CHD3: variants seen among roughly 807,000 people sequenced by gnomAD.
CHD3 encodes the protein chromodomain helicase DNA binding protein 3, also known as ATP-dependent chromatin remodeler CHD3.
CHD3 carries 52 observed loss-of-function variants against 248.9 expected under a neutral mutation model. The ratio of observed to expected loss-of-function variants is 0.21; its 90% CI spans 0.17 to 0.26. The LOEUF (loss-of-function observed/expected upper bound fraction) is 0.26, where lower values mean the gene tolerates loss of function less well. Ranked by LOEUF, CHD3 falls within the 10% of genes least tolerant of loss-of-function variation. CHD3 has a pLI of 1.00. For missense variants in CHD3, 1,482 were observed against 2,605.8 expected, an observed-to-expected ratio of 0.57 and a Z score of 9.39; for synonymous variants, 985 against 985.2, an observed-to-expected ratio of 1.00 and a Z score of 0.00.
upstream of CHD3, chr17:7,884,811 C>T: frequency 1.3e-6 from 1 of 749,700 alleles, no homozygotes; most frequent in Non-Finnish European, 1.9e-6. Context: ...CACAGGATGG[C>T]TTCCCCTCTG....
intron 19 of CHD3, 110 bp from the exon 20 acceptor site, chr17:7,901,134 T>C (rs968069456): frequency 2.3e-5 from 35 of 1,517,414 alleles, no homozygotes; most frequent in Non-Finnish European, 2.9e-5. Context: ...ACAGGAGGAA[T>C]TGGGAACATG....
In CHD3 at chr17:7,894,516, C is replaced by T; in HGVS notation, c.1177C>T (p.Leu393=). Reference sequence around the variant, plus strand: ...GTGCCAGCAGGGTGGGGAAATTATTCTGTGTGACACCTGCCCTCGTGCCTA... The same window carrying T: ...GTGCCAGCAGGGTGGGGAAATTATTTTGTGTGACACCTGCCCTCGTGCCTA... The part of the protein sequence containing the change: ...EVCQQGGEII[L]CDTCPRAYHL... The change falls in exon 8 of 40, where the codon CTG becomes TTG. Residue 393 remains leucine, a synonymous_variant. Transcript: ENST00000330494. 6.2e-7 allele frequency: 1 copy of T among 1,614,088 alleles called. No individual in the cohort carries two copies. The highest frequency in any genetic ancestry group is 8.5e-7 in the Non-Finnish European group (1 of 1,180,010).
chr17:7,910,549 C>T lies in CHD3; in HGVS notation c.5712C>T (p.Leu1904=). 1.2e-6 allele frequency: 2 copies of T among 1,612,852 alleles called. No individual in the cohort carries two copies. Among genetic ancestry groups the T allele is most frequent in the Non-Finnish European group, 1.7e-6 (2 of 1,180,024 alleles). The stretch of plus-strand genomic sequence containing the variant: ...TTCAGATGTCCGAGCGCAGCATCCT[C>T]AGCCGGCTGGCCAGCAAGGGCACGG... The part of the protein sequence containing the change: ...ARLQMSERSI[L]SRLASKGTEP... Residue 1904 remains leucine, a synonymous_variant, in exon 38 of 40, where the codon CTC becomes CTT. Coordinates refer to ENST00000330494, the MANE Select transcript of CHD3 (RefSeq NM_001005273.3). The surrounding 1 kb of genome is among the most constrained non-coding windows in gnomAD (Gnocchi z 4.7).
Position 7,893,518 on chromosome 17 carries a change from G to A in CHD3, c.742G>A (p.Ala248Thr). 6.7e-7 allele frequency: 1 copy of A among 1,490,130 alleles called. No individual in the cohort carries two copies. Among genetic ancestry groups the A allele is most frequent in the East Asian group, 2.3e-5 (1 of 42,980 alleles). The allele number at this position is 1,490,130 out of a possible 1,614,324, so 92.3% of individuals were successfully genotyped here. A position where few individuals can be genotyped will look rare whatever the true frequency, so the allele number is the denominator to read the frequency against. Residue 248 changes from alanine to threonine, a missense_variant, in exon 5 of 40, where the codon GCT becomes ACT. Around this residue, in one of 20 missense-constraint regions of CHD3, gnomAD observed 149 missense variants for 182.6 expected, o/e 0.82. Transcript: ENST00000330494. ...GPPALPPPPA[A>T]DIQPPPIRRA... ...CCCCGCCCTTCCACCACCCCCTGCT[G>A]CTGATATCCAGCCCCCACCCATCCG... is the stretch of plus-strand genomic sequence containing the variant.
chr17:7,891,366 CA>C (rs1389891075), intron 4 of CHD3, among the ~76,000 whole-genome samples: 1 of 152,110 alleles, frequency 6.6e-6, no homozygotes, highest in Non-Finnish European at 1.5e-5. Flanking sequence ...TCCCCTGCCC[CA>C]ACAGCTCCAT....
chr17:7,888,727 GGTGCGCGC>G (rs1046681365), upstream of CHD3: 38 of 939,810 alleles, frequency 4.0e-5, no homozygotes, highest in Admixed American at 8.0e-5. Context: ...TGTGGGTGTG[GGTGCGCGC>G]GTGCGCGCGC....
At chr17:7,885,925 G>C (rs1597899208), upstream of CHD3, among the ~76,000 whole-genome samples, 4 of 152,348 alleles carry the variant, frequency 2.6e-5, no homozygotes, top group Admixed American at 2.0e-4. Context: ...GGATTGGGGA[G>C]CGGAGAGAAG....
In CHD3 at chr17:7,908,796, G is replaced by A. The variant is rs1489817011; in HGVS notation, c.5361G>A (p.Glu1787=). The part of the protein sequence containing the change: ...KTEANKGNFL[E]MKNKFLARRF... ...AAGCCAATAAGGGGAACTTTCTGGA[G>A]ATGAAAAATAAGTTCCTGGCCCGGA... is the stretch of plus-strand genomic sequence containing the variant. The change falls in exon 36 of 40, where the codon GAG becomes GAA. Residue 1787 remains glutamate, a synonymous_variant. Transcript: ENST00000330494. The surrounding 1 kb of genome is among the most constrained non-coding windows in gnomAD (Gnocchi z 5.8). 1 of 1,614,184 alleles carries A rather than the reference G, an allele frequency of 6.2e-7. No homozygotes were observed. The highest frequency in any genetic ancestry group is 8.5e-7 in the Non-Finnish European group (1 of 1,180,022).
rs765491759 is a variant in CHD3, at chr17:7,907,115, T to A, written c.4667-11T>A. ...GAATCTCTGTCTTTATCACTGTGCC[T>A]TCCCCTGCAGCTACTCCAGCTCCAA... On this transcript the variant is annotated splice_polypyrimidine_tract_variant and intron_variant, in intron 30 of 39. Transcript: ENST00000330494. The surrounding 1 kb of genome is among the most constrained non-coding windows in gnomAD (Gnocchi z 4.3). 2.5e-6 allele frequency: 4 copies of A among 1,614,158 alleles called. No homozygotes were observed. The highest frequency in any genetic ancestry group is 3.4e-6 in the Non-Finnish European group (4 of 1,180,006).
At position 7,911,491 on chromosome 17, in the gene CHD3, TGAA is replaced by T. The variant is rs768305286; in HGVS notation, c.5914_5916del (p.Lys1972del). 13 of 1,613,928 alleles carry T rather than the reference TGAA, an allele frequency of 8.1e-6. No homozygotes were observed. Among genetic ancestry groups the T allele is most frequent in the African/African-American group, 4.0e-5 (3 of 74,850 alleles). ...GCCACCAACGGCCCTCCAGTGCTTGTGAAGAAGGAGAAGGAAATGGTGGGGGCA... is the reference window on the plus strand; with the variant it reads ...GCCACCAACGGCCCTCCAGTGCTTGTGAAGGAGAAGGAAATGGTGGGGGCA... On this transcript the variant is annotated inframe_deletion, in exon 40 of 40. Coordinates refer to ENST00000330494, the MANE Select transcript of CHD3 (RefSeq NM_001005273.3). The surrounding 1 kb of genome is among the most constrained non-coding windows in gnomAD (Gnocchi z 5.4).
chr17:7,898,616 T>C (rs765614498), intron 13 of CHD3, 21 bp downstream of exon 13: 5 of 1,583,570 alleles, frequency 3.2e-6, no homozygotes. Context: ...TCAGTTGTCA[T>C]TTCTTGTTTC....
rs1367835735 is a variant in CHD3 at position 7,891,089 on chromosome 17, G to A, written c.509+25G>A. 8 of 1,610,656 alleles carry A rather than the reference G, an allele frequency of 5.0e-6. No homozygotes were observed. The East Asian group carries it at 6.7e-5, about 13-fold the overall frequency. ...GGTGCGGTAAGACTGGGGAATCCTC[G>A]CTAATTGACACTTTTAATTTGAGGG... On this transcript the variant is annotated intron_variant, in intron 4 of 39. Transcript: ENST00000330494.
rs757319732 is a variant in CHD3, at chr17:7,893,948, T to C, written c.924+13T>C. On this transcript the variant is annotated intron_variant, in intron 6 of 39. Transcript: ENST00000330494. ...GAAAGGAGGCTCGGTGAGTGACCCG[T>C]CCCTGTCTACTAAACACCTGGGGGC... 6.9e-7 allele frequency: 1 copy of C among 1,456,800 alleles called. No individual in the cohort carries two copies. The highest frequency in any genetic ancestry group is 3.3e-5 in the East Asian group (1 of 30,464). The allele number at this position is 1,456,800 out of a possible 1,614,324, so 90.2% of individuals were successfully genotyped here.
chr17:7,910,470 A>G lies in CHD3; in HGVS notation c.5633A>G (p.Asp1878Gly). ...LEELLSDMKADVTRLPATLSR... is the reference protein window; with the variant it reads ...LEELLSDMKAGVTRLPATLSR... ...GAGTTGCTGAGCGACATGAAGGCGG[A>G]CGTGACCCGCCTGCCAGCCACGCTG... The change falls in exon 38 of 40, where the codon GAC becomes GGC. Residue 1878 changes from aspartate to glycine, a missense_variant. Asp to Gly is a moderately conservative substitution (Grantham distance 94). This residue lies in a region of CHD3 where 83 missense variants were observed against 181.0 expected (regional missense o/e 0.46). Transcript: ENST00000330494. The surrounding 1 kb of genome is among the most constrained non-coding windows in gnomAD (Gnocchi z 4.7). 1 of 1,613,864 alleles carries G rather than the reference A, an allele frequency of 6.2e-7. No homozygotes were observed. The highest frequency in any genetic ancestry group is 1.6e-4 in the Middle Eastern group (1 of 6,062).
chr17:7,910,809 A>G lies in CHD3; in HGVS notation c.5755-38A>G, dbSNP rs759105006. ...TACAGCTTCTTTCCTCTCACAGACT[A>G]TGAACTAACTCCAACTTCTGCTTCC... On this transcript the variant is annotated intron_variant, in intron 38 of 39. Coordinates refer to ENST00000330494, the MANE Select transcript of CHD3 (RefSeq NM_001005273.3). This position sits in a 1 kb window ranked among gnomAD's most constrained non-coding sequence, Gnocchi z 4.7. The G allele has an allele frequency of 3.2e-6, 5 of 1,581,502 alleles. No homozygotes were observed. Among genetic ancestry groups the G allele is most frequent in the Admixed American group, 2.0e-5 (1 of 50,534 alleles).
intron 20 of CHD3, 98 bp from the exon 21 acceptor site, chr17:7,902,512 G>A (rs1235358764): frequency 1.4e-6 from 1 of 719,450 alleles, no homozygotes; most frequent in Non-Finnish European, 2.5e-6. Flanking sequence ...GGGTTCAGGT[G>A]TAAAGATTAG....
rs1181434875 is a variant in CHD3 at position 7,911,399 on chromosome 17, T to C, written c.5882-65T>C. On this transcript the variant is annotated intron_variant, in intron 39 of 39. Coordinates refer to ENST00000330494, the MANE Select transcript of CHD3 (RefSeq NM_001005273.3). The surrounding 1 kb of genome is among the most constrained non-coding windows in gnomAD (Gnocchi z 5.4). ...GTGACCTAGAAGTGAGAATTCACCA[T>C]TGTCATGAAGTGACGTTTGAGAGTG... The C allele has an allele frequency of 2.5e-6, 4 of 1,612,174 alleles. No individual in the cohort carries two copies. The highest frequency in any genetic ancestry group is 3.4e-6 in the Non-Finnish European group (4 of 1,179,192).
In CHD3 at chr17:7,903,711, C is replaced by T. The variant is rs536486989; in HGVS notation, c.3728-114C>T. 290 of 1,236,558 alleles carry T rather than the reference C, an allele frequency of 2.3e-4. No individual in the cohort carries two copies. The highest frequency in any genetic ancestry group is 3.2e-4 in the South Asian group (21 of 66,126). The allele number at this position is 1,236,558 out of a possible 1,614,324, so 76.6% of individuals were successfully genotyped here. A position where few individuals can be genotyped will look rare whatever the true frequency, so the allele number is the denominator to read the frequency against. On this transcript the variant is annotated intron_variant, in intron 23 of 39. Transcript: ENST00000330494. The surrounding 1 kb of genome is among the most constrained non-coding windows in gnomAD (Gnocchi z 6.8). ...ACAAAAACCTTTCAACATTGGCTCC[C>T]GGGGAAAAAGCCTTCTCTAGGGCTC...
In CHD3 at chr17:7,890,440, A is replaced by G. The variant is rs910979183; in HGVS notation, c.214-131A>G. 1.1e-5 allele frequency: 7 copies of G among 653,820 alleles called. No individual in the cohort carries two copies. In the African/African-American group the frequency reaches 1.1e-4, roughly 10 times the overall value. The allele number at this position is 653,820 out of a possible 1,614,324, so 40.5% of individuals were successfully genotyped here. ...CAAGACTCCATCTCCAAAAAAAAAA[A>G]GGAGATAAAAAATTAGTTACTATCA... On this transcript the variant is annotated intron_variant, in intron 2 of 39. Coordinates refer to ENST00000330494, the MANE Select transcript of CHD3 (RefSeq NM_001005273.3).
Sources: gnomAD v4.1 joint callset for allele counts (sites outside exome capture counted in the v4.1 genomes callset) on GRCh38, gnomAD v4.1.1 for gene constraint, gnomAD v4.1.1 regional missense constraint, Gnocchi (gnomAD v3.1) non-coding constraint, MANE v1.5 for transcripts, NCBI Gene and HGNC (gene_info 2026-07-23, HGNC 2026-07-21) for gene names.